Variants in SLA2 observed in about 807,000 individuals in gnomAD.
SLA2 encodes Src like adaptor 2, also known as src-like-adapter 2.
In SLA2, 22 loss-of-function variants were observed where a neutral mutation model predicts 27.3. The observed-to-expected ratio is 0.81, with a 90% confidence interval of 0.58 to 1.15. The LOEUF (loss-of-function observed/expected upper bound fraction) is 1.15, where lower values mean the gene tolerates loss of function less well. Ranked by LOEUF, SLA2 falls within the 50% of genes most tolerant of loss-of-function variation. SLA2 has a pLI of 0.00. For missense variants in SLA2, 304 were observed against 322.2 expected (o/e 0.94, Z 0.43); for synonymous variants, 131 against 137.8 (o/e 0.95, Z 0.34).
intron 5 of SLA2, among the ~76,000 whole-genome samples, chr20:36,630,017 AG>A (rs2039378202): frequency 6.6e-6 from 1 of 152,018 alleles, no homozygotes. Flanking sequence ...TTTTTAGGTA[AG>A]GGGCAGAGTG....
At chr20:36,644,724 G>C (rs59195087) in intron 1 of SLA2, among the ~76,000 whole-genome samples, 15 of 152,152 alleles carry the variant, frequency 9.9e-5, no homozygotes, top group African/African-American at 3.6e-4. Context: ...CGCACATTTT[G>C]TAAGACAGCA....
intron 5 of SLA2, chr20:36,621,192 TGGTGGC>T: frequency 2.1e-6 from 1 of 476,400 alleles, no homozygotes; most frequent in Non-Finnish European, 4.1e-6. Context: ...GTGGTGGATA[TGGTGGC>T]GGTGGCGGAG....
At chr20:36,614,229 G>A (rs1004852555) in intron 7 of SLA2, 76 bp downstream of exon 7, 28 of 1,608,612 alleles carry the variant, frequency 1.7e-5, no homozygotes, top group Non-Finnish European at 2.0e-5. Context: ...GGTACATTCC[G>A]GGTTGTGGCT....
chr20:36,641,850 G>T (rs2039509768), intron 1 of SLA2, among the ~76,000 whole-genome samples: 1 of 151,878 alleles, frequency 6.6e-6, no homozygotes. Flanking sequence ...CAGGAACTGT[G>T]GCTTGGATCA....
rs754867049 is a variant in SLA2 at position 36,633,140 on chromosome 20, C to T, written c.278+403G>A. ...AGACTAGAGTGCAGTGGCGCAATCA[C>T]GGCTCACTGCAGCCTTGACCTTCCA... is the stretch of plus-strand genomic sequence containing the variant. On this transcript the variant is annotated intron_variant, in intron 4 of 7. Coordinates refer to ENST00000262866, the MANE Select transcript of SLA2 (RefSeq NM_032214.4). 3.3e-5 allele frequency among the ~76,000 whole-genome samples: 5 copies of T among 152,292 alleles called. No individual in the cohort carries two copies. The South Asian group carries it at 6.2e-4, about 19-fold the overall frequency.
Position 36,613,850 on chromosome 20 carries a change from G to A in SLA2, c.*16C>T. ...GGTGTGCAGCCTTGGTTTCCCTTTTGGCCTCTCCTTTGGGCCTAGGCATCA... is the reference window on the plus strand; with the variant it reads ...GGTGTGCAGCCTTGGTTTCCCTTTTAGCCTCTCCTTTGGGCCTAGGCATCA... On this transcript the variant is annotated 3_prime_UTR_variant, in exon 8 of 8. Transcript: ENST00000262866. The A allele has an allele frequency of 7.3e-7, 1 of 1,360,600 alleles. No homozygotes were observed. Among genetic ancestry groups the A allele is most frequent in the Non-Finnish European group, 9.8e-7 (1 of 1,022,874 alleles). 84.3% of individuals were successfully genotyped at this position (1,360,600 alleles called of 1,614,324 possible).
chr20:36,613,585 AC>A lies in SLA2; in HGVS notation c.*280del, dbSNP rs952471437. 6.3e-6 allele frequency: 2 copies of A among 319,998 alleles called. No homozygotes were observed. Among genetic ancestry groups the A allele is most frequent in the Non-Finnish European group, 1.2e-5 (2 of 173,264 alleles). 19.8% of individuals were successfully genotyped at this position (319,998 alleles called of 1,614,324 possible). On this transcript the variant is annotated 3_prime_UTR_variant, in exon 8 of 8. Coordinates refer to ENST00000262866, the MANE Select transcript of SLA2 (RefSeq NM_032214.4). ...CAAACTCAAGAACTAACTAGGTCAG[AC>A]CCCCCAGGAGGCTTATTCTCTTTTT...
chr20:36,616,761 G>A (rs959184888), intron 5 of SLA2, among the ~76,000 whole-genome samples: 13 of 152,256 alleles, frequency 8.5e-5, no homozygotes, highest in South Asian at 2.1e-4. Flanking sequence ...AATTATAGGC[G>A]TGAACCACCC....
chr20:36,613,771 C>T lies in SLA2; in HGVS notation c.*95G>A. The stretch of plus-strand genomic sequence containing the variant: ...GCACCTCTGTGTCCCACCCTCCCTC[C>T]CTGAGTGCACAGCCTTGCCTCTGGG... On this transcript the variant is annotated 3_prime_UTR_variant, in exon 8 of 8. Coordinates refer to ENST00000262866, the MANE Select transcript of SLA2 (RefSeq NM_032214.4). 1 of 802,454 alleles carries T rather than the reference C, an allele frequency of 1.2e-6. No homozygotes were observed. Among genetic ancestry groups the T allele is most frequent in the East Asian group, 3.3e-5 (1 of 30,508 alleles). The allele number at this position is 802,454 out of a possible 1,614,324, so 49.7% of individuals were successfully genotyped here.
rs149334852 is a variant in SLA2 at position 36,613,952 on chromosome 20, C to G, written c.700G>C (p.Glu234Gln). The change falls in exon 8 of 8, where the codon GAG becomes CAG. Residue 234 changes from glutamate (E) to glutamine (Q), a missense_variant. Coordinates refer to ENST00000262866, the MANE Select transcript of SLA2 (RefSeq NM_032214.4). ...LLFSEAATGE[E>Q]SLLSEGLRES... is the part of the protein sequence containing the mutation. ...CGGAGACCCTCACTGAGAAGAGACT[C>G]CTCCCCTGTGGCAGCTTCAGAAAAC... 1.9e-6 allele frequency: 3 copies of G among 1,613,986 alleles called. No individual in the cohort carries two copies. In the African/African-American group the frequency reaches 4.0e-5, roughly 22 times the overall value.
chr20:36,638,700 G>C (rs916714874), intron 2 of SLA2, among the ~76,000 whole-genome samples: 2 of 152,180 alleles, frequency 1.3e-5, no homozygotes, highest in African/African-American at 4.8e-5. Flanking sequence ...ATGTCCCTAG[G>C]CTCTGTCCAG....
chr20:36,621,584 C>T (rs966438425), intron 5 of SLA2, among the ~76,000 whole-genome samples: 2 of 145,108 alleles, frequency 1.4e-5, no homozygotes, highest in African/African-American at 2.5e-5. Context: ...CGAGATCGCG[C>T]CACTGCACTC....
intron 5 of SLA2, chr20:36,621,084 T>TA: frequency 2.8e-6 from 1 of 355,132 alleles, no homozygotes; most frequent in South Asian, 2.5e-5. Context: ...GCAGCAGAGG[T>TA]AGTTATGGAG....
chr20:36,636,960 C>A (rs184017713), intron 2 of SLA2, among the ~76,000 whole-genome samples: 9 of 151,438 alleles, frequency 5.9e-5, no homozygotes, highest in South Asian at 2.1e-4. Flanking sequence ...CCCACCCCCC[C>A]CAAAAAAAGA....
intron 2 of SLA2, among the ~76,000 whole-genome samples, chr20:36,635,256 A>G (rs1169563903): frequency 6.6e-6 from 1 of 151,748 alleles, no homozygotes; most frequent in Admixed American, 6.6e-5. Context: ...ACTGCACCCT[A>G]GCATCCCTCC....
rs1333206734 is a variant in SLA2, at chr20:36,613,579, G to A, written c.*287C>T. On this transcript the variant is annotated 3_prime_UTR_variant, in exon 8 of 8. Coordinates refer to ENST00000262866, the MANE Select transcript of SLA2 (RefSeq NM_032214.4). ...AAACCCCAAACTCAAGAACTAACTAGGTCAGACCCCCCAGGAGGCTTATTC... is the reference window on the plus strand; with the variant it reads ...AAACCCCAAACTCAAGAACTAACTAAGTCAGACCCCCCAGGAGGCTTATTC... The A allele has an allele frequency of 1.3e-5, 4 of 307,298 alleles. No individual in the cohort carries two copies. Among genetic ancestry groups the A allele is most frequent in the Non-Finnish European group, 2.4e-5 (4 of 165,172 alleles). The allele number at this position is 307,298 out of a possible 1,614,324, so 19.0% of individuals were successfully genotyped here. A position where few individuals can be genotyped will look rare whatever the true frequency, so the allele number is the denominator to read the frequency against.
chr20:36,617,377 A>G (rs959624179), intron 5 of SLA2, among the ~76,000 whole-genome samples: 7 of 151,540 alleles, frequency 4.6e-5, no homozygotes, highest in African/African-American at 1.7e-4. Flanking sequence ...TTAAAAAAAT[A>G]AATAAACAAG....
At chr20:36,614,726 C>T in intron 6 of SLA2, 1 of 985,422 alleles carries the variant, frequency 1.0e-6, no homozygotes, top group Non-Finnish European at 1.2e-6. Context: ...AAGGAATGCT[C>T]AGTCTACTTC....
At chr20:36,627,653 G>A (rs1337067265) in intron 5 of SLA2, among the ~76,000 whole-genome samples, 8 of 152,228 alleles carry the variant, frequency 5.3e-5, no homozygotes, top group Admixed American at 5.2e-4. Context: ...GCTGGGGCCT[G>A]TCCCTAACCC....
Sources: allele counts gnomAD v4.1 joint callset (sites outside exome capture counted in the v4.1 genomes callset), GRCh38; gene constraint gnomAD v4.1.1; transcripts MANE v1.5; gene names NCBI Gene and HGNC (gene_info 2026-07-23, HGNC 2026-07-21).